The following LSAMP variants were observed in gnomAD, a reference collection of about 807,000 sequenced individuals.
The protein encoded by LSAMP is limbic system associated membrane protein, also known as limbic system-associated membrane protein.
In LSAMP, 7 loss-of-function variants were observed where a neutral mutation model predicts 38.6. The ratio of observed to expected loss-of-function variants is 0.18; its 90% CI spans 0.10 to 0.34. The LOEUF is 0.34. LSAMP is among the 10% of genes least tolerant of loss of function. LSAMP has a pLI of 1.00. For missense variants in LSAMP, 313 were observed against 420.0 expected (o/e 0.75, Z 2.23); for synonymous variants, 154 against 166.8 (o/e 0.92, Z 0.59).
At chr3:115,826,538 T>G (rs530498236) in intron 6 of LSAMP, among the ~76,000 whole-genome samples, 73 of 152,332 alleles carry the variant, frequency 4.8e-4, no homozygotes, top group African/African-American at 1.7e-3. Flanking sequence ...TTACTGTGGT[T>G]GCTTAGTTCA....
chr3:116,011,058 C>T (rs1940309886), intron 3 of LSAMP, among the ~76,000 whole-genome samples: 1 of 151,328 alleles, frequency 6.6e-6, no homozygotes, highest in Non-Finnish European at 1.5e-5. Flanking sequence ...GGCTGGAGTG[C>T]AGTGGCATGA....
chr3:116,054,625 T>C (rs1325709623), intron 2 of LSAMP, among the ~76,000 whole-genome samples: 1 of 152,170 alleles, frequency 6.6e-6, no homozygotes, highest in Non-Finnish European at 1.5e-5. Context: ...TTATATTACT[T>C]ATAATCAACA....
chr3:116,042,619 G>A (rs1161140350), intron 2 of LSAMP, among the ~76,000 whole-genome samples: 1 of 151,892 alleles, frequency 6.6e-6, no homozygotes, highest in Non-Finnish European at 1.5e-5. Flanking sequence ...TAGTAGAGAC[G>A]GGGTTTCACC....
chr3:116,327,523 C>T (rs958701859), intron 1 of LSAMP, among the ~76,000 whole-genome samples: 1 of 152,072 alleles, frequency 6.6e-6, no homozygotes. Context: ...TTCTCCTCTA[C>T]CAGATCCTGA....
At chr3:116,209,374 C>T (rs578072293) in intron 1 of LSAMP, among the ~76,000 whole-genome samples, 133 of 152,352 alleles carry the variant, frequency 8.7e-4, no homozygotes, top group African/African-American at 3.1e-3. Context: ...TTCGCTCACG[C>T]TGGGAGCTGT....
intron 3 of LSAMP, among the ~76,000 whole-genome samples, chr3:115,989,919 AC>A (rs1480466647): frequency 1.3e-5 from 2 of 152,190 alleles, no homozygotes; most frequent in South Asian, 4.1e-4. Flanking sequence ...GAGGCACCTG[AC>A]ACTTAACAAA....
At chr3:116,167,141 T>C (rs1710077742) in intron 1 of LSAMP, among the ~76,000 whole-genome samples, 2 of 152,060 alleles carry the variant, frequency 1.3e-5, no homozygotes, top group Admixed American at 1.3e-4. Flanking sequence ...GTACAGGAGG[T>C]TTTTGGCTAC....
At chr3:116,052,780 G>A (rs2107735511) in intron 2 of LSAMP, among the ~76,000 whole-genome samples, 1 of 152,282 alleles carries the variant, frequency 6.6e-6, no homozygotes, top group African/African-American at 2.4e-5. Flanking sequence ...ATCGTTCAAG[G>A]TGCTCGTGTG....
intron 1 of LSAMP, among the ~76,000 whole-genome samples, chr3:116,409,391 G>C (rs946177358): frequency 7.2e-5 from 11 of 152,014 alleles, no homozygotes; most frequent in African/African-American, 2.4e-4. Context: ...TGCTTTGCAT[G>C]ATGGGATCTG....
chr3:115,850,542 A>G (rs1935296294), intron 4 of LSAMP, among the ~76,000 whole-genome samples: 1 of 152,212 alleles, frequency 6.6e-6, no homozygotes, highest in Non-Finnish European at 1.5e-5. Flanking sequence ...AAAGCATTCT[A>G]TAACATTGCG....
chr3:115,857,697 G>T (rs575804839), intron 3 of LSAMP, among the ~76,000 whole-genome samples: 1 of 152,108 alleles, frequency 6.6e-6, no homozygotes, highest in East Asian at 1.9e-4. Context: ...CAGCTACCAG[G>T]CTAAATAACT....
At chr3:116,368,202 GCA>G (rs755823129) in intron 1 of LSAMP, 1 of 152,230 alleles carries the variant, frequency 6.6e-6, no homozygotes, top group Non-Finnish European at 1.5e-5. Flanking sequence ...CCGCAACCGT[GCA>G]CAGAGGAGGA....
intron 2 of LSAMP, among the ~76,000 whole-genome samples, chr3:116,050,006 T>C (rs1309082722): frequency 6.6e-6 from 1 of 152,198 alleles, no homozygotes; most frequent in East Asian, 1.9e-4. Context: ...CATCCCCTGA[T>C]GTCCCCTGCT....
chr3:116,412,184 G>A (rs2048989361), intron 1 of LSAMP, among the ~76,000 whole-genome samples: 1 of 152,066 alleles, frequency 6.6e-6, no homozygotes, highest in Non-Finnish European at 1.5e-5. Context: ...GACACAGGTG[G>A]AAACTGTAAT....
intron 1 of LSAMP, among the ~76,000 whole-genome samples, chr3:116,366,013 TAAAAAAA>T (rs67452614): frequency 7.0e-5 from 2 of 28,684 alleles, no homozygotes; most frequent in African/African-American, 1.3e-4. Context: ...TAGAGTATAA[TAAAAAAA>T]AAAAAAAAAA....
At chr3:115,861,813 G>A (rs1935711582) in intron 3 of LSAMP, among the ~76,000 whole-genome samples, 1 of 151,804 alleles carries the variant, frequency 6.6e-6, no homozygotes, top group African/African-American at 2.4e-5. Flanking sequence ...GGGTTGGTAA[G>A]AGATTTTAGC....
intron 1 of LSAMP, among the ~76,000 whole-genome samples, chr3:116,220,185 A>ACACACACACAC (rs1553714688): frequency 3.2e-4 from 45 of 141,462 alleles, no homozygotes; most frequent in South Asian, 7.0e-4. Context: ...TCCATCTCAA[A>ACACACACACAC]ACACACACAC....
At chr3:116,340,577 G>A (rs2047979301) in intron 1 of LSAMP, among the ~76,000 whole-genome samples, 1 of 151,816 alleles carries the variant, frequency 6.6e-6, no homozygotes, top group East Asian at 1.9e-4. Context: ...GCCCATATGA[G>A]GAGTCATTTT....
intron 3 of LSAMP, among the ~76,000 whole-genome samples, chr3:115,863,141 T>TTGACAAGTCACTTCATTTAAAAAGCGC: frequency 6.6e-6 from 1 of 152,332 alleles, no homozygotes. Flanking sequence ...AGTCTCGAAC[T>TTGACAAGTCACTTCATTTAAAAAGCGC]TGACAAGTCA....
Sources: gnomAD v4.1 joint callset for allele counts (sites outside exome capture counted in the v4.1 genomes callset) on GRCh38, gnomAD v4.1.1 for gene constraint, MANE v1.5 for transcripts, NCBI Gene and HGNC (gene_info 2026-07-23, HGNC 2026-07-21) for gene names.